The following ADAM2 variants were observed in gnomAD, a reference collection of about 807,000 sequenced individuals.
ADAM2 encodes disintegrin and metalloproteinase domain-containing protein 2.
A neutral mutation model predicts 99.3 loss-of-function variants in ADAM2; 101 were observed. That is an observed-to-expected ratio of 1.02 (90% confidence interval 0.87 to 1.20). The LOEUF (loss-of-function observed/expected upper bound fraction) is 1.20, where lower values mean the gene tolerates loss of function less well. Among genes scored for constraint, ADAM2 ranks in the 50% most tolerant of loss-of-function variants. ADAM2 has a pLI of 0.00. For synonymous variants in ADAM2, 323 were observed against 287.6 expected (o/e 1.12, Z -1.25); for missense variants, 948 against 878.7 (o/e 1.08, Z -1.00).
intron 7 of ADAM2, among the ~76,000 whole-genome samples, chr8:39,795,917 G>A (rs1373134612): frequency 1.3e-5 from 2 of 151,918 alleles, no homozygotes; most frequent in African/African-American, 4.8e-5. Flanking sequence ...TAATAATTAG[G>A]CCCAAGTTTA....
intron 7 of ADAM2, among the ~76,000 whole-genome samples, chr8:39,803,442 C>G (rs572643267): frequency 6.6e-6 from 1 of 152,232 alleles, no homozygotes; most frequent in African/African-American, 2.4e-5. Context: ...TCAACCTGAG[C>G]CAATATAATG....
At chr8:39,774,760 T>G (rs375654459) in intron 11 of ADAM2, 2 of 152,252 alleles carry the variant, frequency 1.3e-5, no homozygotes, top group African/African-American at 4.8e-5. Flanking sequence ...CCTTCCTATC[T>G]TTTCTTTACC....
At chr8:39,751,023 T>C (rs1801915900) in intron 16 of ADAM2, among the ~76,000 whole-genome samples, 1 of 152,166 alleles carries the variant, frequency 6.6e-6, no homozygotes, top group Non-Finnish European at 1.5e-5. Context: ...ACACTAACTT[T>C]TAAAGTCAGA....
chr8:39,761,171 C>A lies in ADAM2; in HGVS notation c.1613+5G>T. The stretch of plus-strand genomic sequence containing the variant: ...AAGTTCTAAGACAGATTTCTGAAAA[C>A]ATACTCAGCTTCACACTGTGTGTAT... On this transcript the variant is annotated splice_donor_5th_base_variant and intron_variant, in intron 15 of 20. Transcript: ENST00000265708. The A allele has an allele frequency of 1.3e-6, 2 of 1,521,162 alleles. No individual in the cohort carries two copies. The highest frequency in any genetic ancestry group is 8.9e-7 in the Non-Finnish European group (1 of 1,126,594). The allele number at this position is 1,521,162 out of a possible 1,614,324, so 94.2% of individuals were successfully genotyped here. A position where few individuals can be genotyped will look rare whatever the true frequency, so the allele number is the denominator to read the frequency against.
chr8:39,827,936 A>G (rs1563384675), intron 3 of ADAM2, among the ~76,000 whole-genome samples: 1 of 152,058 alleles, frequency 6.6e-6, no homozygotes, highest in Non-Finnish European at 1.5e-5. Context: ...GTCATTTCAC[A>G]ATGTATACAT....
intron 11 of ADAM2, among the ~76,000 whole-genome samples, chr8:39,771,025 A>G (rs1802759192): frequency 6.6e-6 from 1 of 152,140 alleles, no homozygotes; most frequent in South Asian, 2.1e-4. Flanking sequence ...TATTACTTCC[A>G]TGTTTAAATT....
At chr8:39,801,794 C>T (rs931942749) in intron 7 of ADAM2, among the ~76,000 whole-genome samples, 19 of 152,108 alleles carry the variant, frequency 1.2e-4, no homozygotes, top group African/African-American at 4.1e-4. Flanking sequence ...GCACGCTGGC[C>T]GCATACTGCC....
intron 4 of ADAM2, among the ~76,000 whole-genome samples, chr8:39,824,214 C>T (rs904634481): frequency 3.6e-5 from 5 of 138,798 alleles, no homozygotes; most frequent in South Asian, 2.4e-4. Flanking sequence ...ACCCAGGAGG[C>T]GGAGGTTGCG....
intron 2 of ADAM2, 91 bp from the exon 3 acceptor site, chr8:39,834,090 T>TA (rs1427413483): frequency 2.9e-5 from 19 of 661,722 alleles, no homozygotes; most frequent in East Asian, 8.0e-5. Flanking sequence ...AATTGCATTC[T>TA]AAAACACATT....
chr8:39,760,394 T>A (rs1465951689), intron 15 of ADAM2, among the ~76,000 whole-genome samples: 1 of 152,084 alleles, frequency 6.6e-6, no homozygotes, highest in African/African-American at 2.4e-5. Flanking sequence ...GGATTTAAAA[T>A]CAAAATGTCT....
intron 7 of ADAM2, among the ~76,000 whole-genome samples, chr8:39,807,107 C>T (rs1050162422): frequency 4.6e-5 from 7 of 152,356 alleles, no homozygotes; most frequent in African/African-American, 1.7e-4. Context: ...GGAAGTGACA[C>T]TGCCCTCCCA....
Position 39,821,112 on chromosome 8 carries a change from C to T in ADAM2, c.403G>A (p.Gly135Ser), listed in dbSNP as rs768215308. The change falls in exon 6 of 21, where the codon GGC becomes AGC. Residue 135 changes from glycine (G) to serine (S), a missense_variant. Coordinates refer to ENST00000265708, the MANE Select transcript of ADAM2 (RefSeq NM_001464.5). ...YGIEPLESSV[G>S]FEHVIYQVKH... is the part of the protein sequence containing the mutation. ...ACTTGGTAAATTACATGTTCAAAGC[C>T]AACTGAAGACTCCAGGGGTTCTATT... The T allele has an allele frequency of 6.2e-7, 1 of 1,611,704 alleles. No homozygotes were observed. The highest frequency in any genetic ancestry group is 1.7e-5 in the Admixed American group (1 of 59,886).
At chr8:39,829,859 T>C (rs540277877) in intron 3 of ADAM2, among the ~76,000 whole-genome samples, 24 of 152,096 alleles carry the variant, frequency 1.6e-4, no homozygotes, top group Non-Finnish European at 1.8e-4. Flanking sequence ...TTAATTTGAG[T>C]GACTAAAACT....
intron 6 of ADAM2, among the ~76,000 whole-genome samples, chr8:39,810,604 C>A (rs1405868179): frequency 1.3e-5 from 2 of 152,202 alleles, no homozygotes; most frequent in Non-Finnish European, 2.9e-5. Flanking sequence ...ACAGTGCAAT[C>A]AAATTAGAAC....
chr8:39,772,662 C>T (rs1281723436), intron 11 of ADAM2, among the ~76,000 whole-genome samples: 3 of 151,958 alleles, frequency 2.0e-5, no homozygotes, highest in Non-Finnish European at 2.9e-5. Context: ...ATATAGATCT[C>T]AATCAAGATA....
At chr8:39,780,643 C>T (rs1475289043) in intron 10 of ADAM2, among the ~76,000 whole-genome samples, 1 of 152,038 alleles carries the variant, frequency 6.6e-6, no homozygotes, top group Non-Finnish European at 1.5e-5. Flanking sequence ...TGTTTGCATT[C>T]TATTTCAGTA....
At chr8:39,761,056 T>TA in intron 15 of ADAM2, 120 bp downstream of exon 15, 1 of 514,548 alleles carries the variant, frequency 1.9e-6, no homozygotes, top group African/African-American at 2.0e-5. Context: ...ATAATTTGAA[T>TA]AAACATGGTC....
At chr8:39,780,946 C>G (rs1284526325) in intron 10 of ADAM2, among the ~76,000 whole-genome samples, 1 of 151,426 alleles carries the variant, frequency 6.6e-6, no homozygotes, top group Non-Finnish European at 1.5e-5. Flanking sequence ...ACATTGTTAT[C>G]TCTTTCAATT....
intron 7 of ADAM2, among the ~76,000 whole-genome samples, chr8:39,804,062 C>T (rs1352154673): frequency 1.3e-5 from 2 of 152,126 alleles, no homozygotes; most frequent in South Asian, 2.1e-4. Context: ...ATTAAGTATC[C>T]AGGCTAAGTG....
Sources: gnomAD v4.1 joint callset for allele counts (sites outside exome capture counted in the v4.1 genomes callset) on GRCh38, gnomAD v4.1.1 for gene constraint, MANE v1.5 for transcripts, NCBI Gene and HGNC (gene_info 2026-07-23, HGNC 2026-07-21) for gene names.